Variants in DLG2 observed in about 807,000 individuals in gnomAD.
DLG2 encodes discs large MAGUK scaffold protein 2.
Under a neutral mutation model 132.5 loss-of-function variants are expected in DLG2, and 45 were observed. That is an observed-to-expected ratio of 0.34 (90% CI 0.27 to 0.44). DLG2 has a LOEUF of 0.44. DLG2 is among the 20% of genes least tolerant of loss of function. The pLI, the probability that DLG2 is intolerant of heterozygous loss-of-function variation, is 1.00. For missense variants in DLG2, 1,045 were observed against 1,196.9 expected, an observed-to-expected ratio of 0.87 and a Z score of 1.87; for synonymous variants, 424 against 419.6, an observed-to-expected ratio of 1.01 and a Z score of -0.13.
At chr11:83,893,239 TTGTTTTC>T (rs1352121377) in intron 15 of DLG2, among the ~76,000 whole-genome samples, 1 of 152,246 alleles carries the variant, frequency 6.6e-6, no homozygotes. Flanking sequence ...CTGACCAAGA[TTGTTTTC>T]AAGCATAACA....
intron 3 of DLG2, among the ~76,000 whole-genome samples, chr11:85,383,652 A>T (rs192979784): frequency 2.0e-5 from 3 of 152,310 alleles, no homozygotes; most frequent in Non-Finnish European, 2.9e-5. Flanking sequence ...GGCATAACCT[A>T]TTTCAATATT....
intron 6 of DLG2, among the ~76,000 whole-genome samples, chr11:84,561,391 A>T (rs76254855): frequency 6.6e-6 from 1 of 151,986 alleles, no homozygotes; most frequent in African/African-American, 2.4e-5. Flanking sequence ...CTCTCTTTTA[A>T]GACTCATATT....
At chr11:84,035,451 A>C (rs2095838481) in intron 11 of DLG2, among the ~76,000 whole-genome samples, 1 of 152,232 alleles carries the variant, frequency 6.6e-6, no homozygotes, top group Non-Finnish European at 1.5e-5. Flanking sequence ...AGCCACATGA[A>C]AAGTGTGTTA....
chr11:85,198,668 A>T (rs1275007467), intron 4 of DLG2, among the ~76,000 whole-genome samples: 1 of 152,154 alleles, frequency 6.6e-6, no homozygotes, highest in Non-Finnish European at 1.5e-5. Flanking sequence ...CATAATTAAA[A>T]ATTATCTACT....
chr11:84,523,446 G>A (rs1352948968), intron 7 of DLG2, among the ~76,000 whole-genome samples: 7 of 152,118 alleles, frequency 4.6e-5, no homozygotes, highest in South Asian at 2.1e-4. Flanking sequence ...TGGATTAGCT[G>A]GGAAAGAGTT....
intron 3 of DLG2, among the ~76,000 whole-genome samples, chr11:85,467,841 G>A (rs540326173): frequency 6.6e-6 from 1 of 152,164 alleles, no homozygotes; most frequent in Non-Finnish European, 1.5e-5. Context: ...AGTTAGGGAG[G>A]ATTCCCTCTT....
chr11:83,709,302 T>A (rs2084828274), intron 18 of DLG2, among the ~76,000 whole-genome samples: 1 of 148,206 alleles, frequency 6.7e-6, no homozygotes. Context: ...TATATACATA[T>A]ACGTATATAT....
intron 7 of DLG2, among the ~76,000 whole-genome samples, chr11:84,333,537 A>G (rs2098470664): frequency 6.6e-6 from 1 of 152,236 alleles, no homozygotes; most frequent in South Asian, 2.1e-4. Context: ...ATAACTTTTG[A>G]AGCTGCCAGG....
chr11:85,415,019 C>T (rs1344029768), intron 3 of DLG2, among the ~76,000 whole-genome samples: 1 of 152,004 alleles, frequency 6.6e-6, no homozygotes, highest in Non-Finnish European at 1.5e-5. Context: ...TAGCCCCACA[C>T]CCCCTGACAG....
At chr11:84,112,911 A>G (rs1303674057) in intron 9 of DLG2, among the ~76,000 whole-genome samples, 1 of 152,236 alleles carries the variant, frequency 6.6e-6, no homozygotes, top group Non-Finnish European at 1.5e-5. Flanking sequence ...TTTCTGAACT[A>G]TAACTTCTTC....
chr11:84,944,658 G>T (rs1044210177), intron 6 of DLG2, among the ~76,000 whole-genome samples: 1 of 147,620 alleles, frequency 6.8e-6, no homozygotes, highest in Non-Finnish European at 1.5e-5. Flanking sequence ...AGGCTGGAGT[G>T]CAGTGGCATG....
At chr11:84,254,453 C>T (rs891579440) in intron 7 of DLG2, among the ~76,000 whole-genome samples, 7 of 152,024 alleles carry the variant, frequency 4.6e-5, no homozygotes, top group Non-Finnish European at 1.0e-4. Flanking sequence ...ACAGAAGGAG[C>T]TCAAAGAATA....
intron 3 of DLG2, among the ~76,000 whole-genome samples, chr11:85,380,432 G>A (rs951596382): frequency 6.6e-6 from 1 of 152,206 alleles, no homozygotes; most frequent in African/African-American, 2.4e-5. Flanking sequence ...GCCAAGGCAG[G>A]AGGATCACCT....
At chr11:84,302,917 T>C (rs968042776) in intron 7 of DLG2, among the ~76,000 whole-genome samples, 3 of 151,728 alleles carry the variant, frequency 2.0e-5, no homozygotes, top group African/African-American at 4.8e-5. Flanking sequence ...TCAAAACGTG[T>C]CTCTACACCA....
chr11:84,721,035 C>T (rs2061774702), intron 6 of DLG2, among the ~76,000 whole-genome samples: 1 of 152,072 alleles, frequency 6.6e-6, no homozygotes, highest in Non-Finnish European at 1.5e-5. Flanking sequence ...GAAGGAGTCC[C>T]CAGCGTGGGA....
At chr11:84,354,705 AC>A (rs1208092478) in intron 7 of DLG2, among the ~76,000 whole-genome samples, 1 of 152,138 alleles carries the variant, frequency 6.6e-6, no homozygotes, top group Non-Finnish European at 1.5e-5. Flanking sequence ...CACCTCTGCA[AC>A]CCAGAGTCAG....
intron 3 of DLG2, among the ~76,000 whole-genome samples, chr11:85,515,244 T>C (rs1012411063): frequency 2.0e-5 from 3 of 152,102 alleles, no homozygotes; most frequent in South Asian, 2.1e-4. Flanking sequence ...TTCAAAACTA[T>C]ATCTTGTTTA....
At chr11:85,105,522 T>A (rs1462254159) in intron 6 of DLG2, among the ~76,000 whole-genome samples, 1 of 151,978 alleles carries the variant, frequency 6.6e-6, no homozygotes, top group Non-Finnish European at 1.5e-5. Flanking sequence ...AAGTAAATCA[T>A]GCCTTTTCTG....
At chr11:85,168,714 A>G (rs1040975676) in intron 4 of DLG2, among the ~76,000 whole-genome samples, 1 of 152,128 alleles carries the variant, frequency 6.6e-6, no homozygotes, top group African/African-American at 2.4e-5. Context: ...AGCTTATAAA[A>G]ATTTTGCAGA....
Sources: gnomAD v4.1 joint callset for allele counts (sites outside exome capture counted in the v4.1 genomes callset) on GRCh38, gnomAD v4.1.1 for gene constraint, MANE v1.5 for transcripts, NCBI Gene and HGNC (gene_info 2026-07-23, HGNC 2026-07-21) for gene names.